Variants in ATE1 observed in about 807,000 individuals in gnomAD.
ATE1 encodes the protein arginyltransferase 1, also known as arginyl-tRNA--protein transferase 1.
ATE1 carries 36 observed loss-of-function variants against 70.5 expected under a neutral mutation model. The ratio of observed to expected loss-of-function variants is 0.51; its 90% CI spans 0.39 to 0.67. The LOEUF (loss-of-function observed/expected upper bound fraction) is 0.67, where lower values mean the gene tolerates loss of function less well. Among genes scored for constraint, ATE1 ranks in the 30% least tolerant of loss-of-function variants. The pLI, the probability that ATE1 is intolerant of heterozygous loss-of-function variation, is 0.00. For synonymous variants in ATE1, 232 were observed against 219.3 expected (o/e 1.06, Z -0.51); for missense variants, 593 against 629.5 (o/e 0.94, Z 0.62).
In ATE1 at chr10:121,743,376, C is replaced by T. The variant is rs944761427; in HGVS notation, c.*304G>A. ...CAACTGTGATTAAGTTACTTAGATTCACTTCTTCATTTTACAAAATACAAA... is the reference window on the plus strand; with the variant it reads ...CAACTGTGATTAAGTTACTTAGATTTACTTCTTCATTTTACAAAATACAAA... On this transcript the variant is annotated 3_prime_UTR_variant, in exon 12 of 12. Coordinates refer to ENST00000224652, the MANE Select transcript of ATE1 (RefSeq NM_001001976.3). 5 of 284,784 alleles carry T rather than the reference C, an allele frequency of 1.8e-5. No individual in the cohort carries two copies. The highest frequency in any genetic ancestry group is 8.9e-5 in the African/African-American group (4 of 44,958). The allele number at this position is 284,784 out of a possible 1,614,324, so 17.6% of individuals were successfully genotyped here.
intron 11 of ATE1, among the ~76,000 whole-genome samples, chr10:121,764,538 A>G (rs1241287575): frequency 4.0e-5 from 6 of 151,468 alleles, no homozygotes; most frequent in African/African-American, 4.9e-5. Context: ...ATGGGGAATG[A>G]TTTTCAAGCT....
chr10:121,910,399 ATAAG>A (rs1292198319), intron 5 of ATE1, among the ~76,000 whole-genome samples: 1 of 152,234 alleles, frequency 6.6e-6, no homozygotes, highest in Non-Finnish European at 1.5e-5. Flanking sequence ...TAATTCTTTT[ATAAG>A]TAATAACATA....
intron 8 of ATE1, among the ~76,000 whole-genome samples, chr10:121,849,913 A>C (rs1373525360): frequency 2.6e-5 from 4 of 152,170 alleles, no homozygotes; most frequent in Non-Finnish European, 5.9e-5. Flanking sequence ...AAACTGATTT[A>C]ACAAACATGT....
chr10:121,783,875 T>TG (rs1946097173), intron 11 of ATE1, among the ~76,000 whole-genome samples: 2 of 151,992 alleles, frequency 1.3e-5, no homozygotes, highest in South Asian at 4.1e-4. Flanking sequence ...ACTGCTTGTT[T>TG]GGGGGAAAAT....
At chr10:121,821,098 C>T (rs919557664) in intron 10 of ATE1, among the ~76,000 whole-genome samples, 1 of 152,184 alleles carries the variant, frequency 6.6e-6, no homozygotes, top group African/African-American at 2.4e-5. Flanking sequence ...CCCACCACCA[C>T]GCCTGGCTAA....
At position 121,840,633 on chromosome 10, in the gene ATE1, C is replaced by T. The variant is rs920317755; in HGVS notation, c.1157+449G>A. Among the ~76,000 whole-genome samples, 10 of 151,942 alleles carry T rather than the reference C, an allele frequency of 6.6e-5. No homozygotes were observed. In the South Asian group the frequency reaches 1.2e-3, roughly 19 times the overall value. ...TTAACTAGATGGATACCTTAAAAAG[C>T]TAGAGAATTACCATCAGACACTGGC... On this transcript the variant is annotated intron_variant, in intron 9 of 11. Transcript: ENST00000224652.
intron 1 of ATE1, chr10:121,927,197 G>T: frequency 2.0e-6 from 2 of 985,422 alleles, no homozygotes; most frequent in Non-Finnish European, 2.4e-6. Context: ...ACAAACTTGT[G>T]GGCTGGCTTT....
chr10:121,834,688 T>A (rs1009215745), intron 10 of ATE1, among the ~76,000 whole-genome samples: 1 of 151,948 alleles, frequency 6.6e-6, no homozygotes, highest in Non-Finnish European at 1.5e-5. Context: ...TGAAACTATA[T>A]TCAACATTTC....
chr10:121,847,557 A>T (rs893201291), intron 8 of ATE1, among the ~76,000 whole-genome samples: 1 of 151,922 alleles, frequency 6.6e-6, no homozygotes, highest in African/African-American at 2.4e-5. Flanking sequence ...CAGGAGATCA[A>T]GATCATCCTG....
chr10:121,827,541 T>C (rs1948074731), intron 10 of ATE1, among the ~76,000 whole-genome samples: 2 of 152,224 alleles, frequency 1.3e-5, no homozygotes, highest in East Asian at 3.9e-4. Flanking sequence ...AAATACAATT[T>C]CCACTAATTT....
chr10:121,859,508 G>A (rs948786352), intron 8 of ATE1, among the ~76,000 whole-genome samples: 2 of 151,876 alleles, frequency 1.3e-5, no homozygotes, highest in Non-Finnish European at 2.9e-5. Flanking sequence ...GGCCCGCCTC[G>A]GCCTCCCAAA....
At chr10:121,862,348 T>C (rs886767021) in intron 8 of ATE1, among the ~76,000 whole-genome samples, 1 of 152,004 alleles carries the variant, frequency 6.6e-6, no homozygotes, top group Non-Finnish European at 1.5e-5. Flanking sequence ...TGATACTTCT[T>C]ACGTTGACAG....
chr10:121,870,015 T>C lies in ATE1; in HGVS notation c.966A>G (p.Ser322=). 6.2e-7 allele frequency: 1 copy of C among 1,610,526 alleles called. No individual in the cohort carries two copies. The highest frequency in any genetic ancestry group is 8.5e-7 in the Non-Finnish European group (1 of 1,177,298). Residue 322 remains serine, a synonymous_variant, in exon 8 of 12, where the codon TCA becomes TCG. Transcript: ENST00000224652. ...AGTGAGTAACTCTTACCTCCAAGGG[T>C]GAACTGCAAAGGAATCTTGTGAACT... is the stretch of plus-strand genomic sequence containing the variant. ...ESQFTRFLCS[S]PLEAETPPNG...
intron 11 of ATE1, among the ~76,000 whole-genome samples, chr10:121,745,841 A>C (rs74158434): frequency 0.11 from 16,818 of 152,276 alleles, 1,077 homozygotes; most frequent in South Asian, 0.21. Context: ...AACAGCCTGA[A>C]TGTCCATCGA....
intron 10 of ATE1, among the ~76,000 whole-genome samples, chr10:121,816,500 A>G (rs1245435035): frequency 6.6e-6 from 1 of 152,162 alleles, no homozygotes; most frequent in Non-Finnish European, 1.5e-5. Context: ...TCCACCAGGT[A>G]AGGGCACTGT....
intron 10 of ATE1, among the ~76,000 whole-genome samples, chr10:121,826,780 C>G (rs1165787127): frequency 6.6e-6 from 1 of 152,208 alleles, no homozygotes; most frequent in African/African-American, 2.4e-5. Context: ...TCTCTCCCCA[C>G]TCTAGTAGTC....
At chr10:121,927,496 C>A (rs751720821) in intron 1 of ATE1, 1 of 985,288 alleles carries the variant, frequency 1.0e-6, no homozygotes, top group South Asian at 4.7e-5. Flanking sequence ...CCCACCGCAG[C>A]ACCCACCGGT....
At chr10:121,799,582 A>G (rs1946796507) in intron 10 of ATE1, among the ~76,000 whole-genome samples, 1 of 152,228 alleles carries the variant, frequency 6.6e-6, no homozygotes, top group Admixed American at 6.5e-5. Context: ...TCATCTTTGC[A>G]GCTAGCATGT....
chr10:121,903,921 CTT>C lies in ATE1; in HGVS notation c.584-1303_584-1302del, dbSNP rs200449413. On this transcript the variant is annotated intron_variant, in intron 5 of 11. Coordinates refer to ENST00000224652, the MANE Select transcript of ATE1 (RefSeq NM_001001976.3). ...AGACACCATGGTAACAGTCATTTTA[CTT>C]TGTTTCAGAAACAGAGACAGGATTT... Among the ~76,000 whole-genome samples, 914 of 151,936 alleles carry C rather than the reference CTT, an allele frequency of 6.0e-3. 8 individuals carry two copies. The highest frequency in any genetic ancestry group is 0.021 in the African/African-American group (866 of 41,442).
Sources: allele counts gnomAD v4.1 joint callset (sites outside exome capture counted in the v4.1 genomes callset), GRCh38; gene constraint gnomAD v4.1.1; transcripts MANE v1.5; gene names NCBI Gene and HGNC (gene_info 2026-07-23, HGNC 2026-07-21).